SLC4A7: variants seen among roughly 807,000 people sequenced by gnomAD.
SLC4A7 encodes the protein sodium bicarbonate cotransporter 3.
Under a neutral mutation model 137.6 loss-of-function variants are expected in SLC4A7, and 51 were observed. That is an observed-to-expected ratio of 0.37 (90% CI 0.30 to 0.47). SLC4A7 has a LOEUF of 0.47. Among genes scored for constraint, SLC4A7 ranks in the 20% least tolerant of loss-of-function variants. The pLI is 1.00. For synonymous variants in SLC4A7, 542 were observed against 518.6 expected (o/e 1.05, Z -0.61); for missense variants, 1,247 against 1,525.4 (o/e 0.82, Z 3.04).
chr3:27,425,351 C>T (rs182133792), intron 7 of SLC4A7, among the ~76,000 whole-genome samples: 215 of 106,912 alleles, frequency 2.0e-3, no homozygotes, highest in African/African-American at 8.0e-3. Flanking sequence ...GCCTGGGCAA[C>T]GAGAGAGAAA....
At chr3:27,429,291 C>A (rs566808973) in intron 7 of SLC4A7, among the ~76,000 whole-genome samples, 94 of 152,114 alleles carry the variant, frequency 6.2e-4, no homozygotes, top group African/African-American at 8.9e-4. Flanking sequence ...AGTTATAAAC[C>A]TTTTCTCCAC....
At position 27,389,277 on chromosome 3, in the gene SLC4A7, T is replaced by C. The variant is rs978590394; in HGVS notation, c.3360+654A>G. ...TTAACTGTTTTCTATTCAGAAATTA[T>C]TTAGAACAGTGTTTAATTTCCAAAT... On this transcript the variant is annotated intron_variant, in intron 22 of 25. Transcript: ENST00000454389. 1.6e-4 allele frequency among the ~76,000 whole-genome samples: 25 copies of C among 152,284 alleles called. 1 individual carries two copies. The East Asian group carries it at 4.4e-3, about 27-fold the overall frequency.
chr3:27,379,073 C>G (rs1350656751), intron 25 of SLC4A7, among the ~76,000 whole-genome samples, 176 bp downstream of exon 25: 11 of 152,064 alleles, frequency 7.2e-5, no homozygotes, highest in Admixed American at 3.3e-4. Flanking sequence ...CCATGACTGA[C>G]TCAAATTATT....
chr3:27,449,553 A>G (rs947339987), intron 2 of SLC4A7, among the ~76,000 whole-genome samples: 28 of 152,276 alleles, frequency 1.8e-4, no homozygotes, highest in African/African-American at 6.5e-4. Flanking sequence ...TTAAATAAAA[A>G]AGCAGTAAGT....
Position 27,391,812 on chromosome 3 carries a change from T to A in SLC4A7, c.3118-4A>T. 1.3e-6 allele frequency: 2 copies of A among 1,564,372 alleles called. No homozygotes were observed. Among genetic ancestry groups the A allele is most frequent in the Non-Finnish European group, 1.7e-6 (2 of 1,143,442 alleles). ...ACAGAACAGGCATTGGAATAAACTG[T>A]AAATAAAATGAACACAATTAGAACT... On this transcript the variant is annotated splice_region_variant and splice_polypyrimidine_tract_variant and intron_variant, in intron 20 of 25. Coordinates refer to ENST00000454389, the MANE Select transcript of SLC4A7 (RefSeq NM_001321103.2).
At chr3:27,436,580 A>C in intron 4 of SLC4A7, 32 bp from the exon 5 acceptor site, 1 of 1,325,720 alleles carries the variant, frequency 7.5e-7, no homozygotes, top group Non-Finnish European at 1.1e-6. Flanking sequence ...ATATTTTATA[A>C]GTAATGAAGA....
chr3:27,403,779 A>G (rs1552904), intron 14 of SLC4A7, among the ~76,000 whole-genome samples: 147,996 of 152,236 alleles, frequency 0.97, 71,977 homozygotes, highest in East Asian at 1. Flanking sequence ...AGATCCAGAC[A>G]TCATATGTAT....
intron 24 of SLC4A7, among the ~76,000 whole-genome samples, chr3:27,379,932 T>C (rs529806322): frequency 7.8e-4 from 119 of 152,274 alleles, no homozygotes; most frequent in African/African-American, 2.6e-3. Flanking sequence ...TAACACAAAA[T>C]AGCCTCATGA....
chr3:27,412,574 G>A (rs961079195), intron 11 of SLC4A7, among the ~76,000 whole-genome samples: 2 of 152,102 alleles, frequency 1.3e-5, no homozygotes, highest in African/African-American at 4.8e-5. Flanking sequence ...ACTGCCATTT[G>A]AAAACGTCAA....
chr3:27,379,319 C>T lies in SLC4A7; in HGVS notation c.3628G>A (p.Ala1210Thr). 6.5e-7 allele frequency: 1 copy of T among 1,535,270 alleles called. No individual in the cohort carries two copies. Among genetic ancestry groups the T allele is most frequent in the Non-Finnish European group, 8.7e-7 (1 of 1,146,018 alleles). The change falls in exon 25 of 26, where the codon GCC becomes ACC. Residue 1210 changes from alanine to threonine, a missense_variant. Physicochemically the swap from Ala to Thr is moderately conservative, Grantham distance 58. Around this residue, in one of 6 missense-constraint regions of SLC4A7, gnomAD observed 290 missense variants for 323.8 expected, o/e 0.90. Transcript: ENST00000454389. ...AGTGCCTTCCACTGTGCAGTTTTGG[C>T]CATTTCATCTGATATGTTAACAATT... ...PSIVNISDEM[A>T]KTAQWKALSM...
intron 1 of SLC4A7, among the ~76,000 whole-genome samples, chr3:27,466,218 G>C (rs1002889284): frequency 2.0e-5 from 3 of 151,642 alleles, no homozygotes; most frequent in African/African-American, 7.3e-5. Context: ...TTGGGAGGCC[G>C]AGGCGGGCGG....
intron 7 of SLC4A7, among the ~76,000 whole-genome samples, chr3:27,429,868 CA>C (rs34059437): frequency 0.15 from 19,242 of 126,870 alleles, 1,180 homozygotes; most frequent in Middle Eastern, 0.25. Context: ...CCCGCCCAAG[CA>C]AAAAAAAAAA....
Position 27,415,741 on chromosome 3 carries a change from G to A in SLC4A7, c.1659+2745C>T, listed in dbSNP as rs140071777. On this transcript the variant is annotated intron_variant, in intron 11 of 25. Coordinates refer to ENST00000454389, the MANE Select transcript of SLC4A7 (RefSeq NM_001321103.2). ...CGCTTTTCTTTTGCTTTATGTTGTC[G>A]TAAAATGACTGCTTTTTCTTGGTCG... 2.6e-3 allele frequency among the ~76,000 whole-genome samples: 401 copies of A among 152,156 alleles called. 1 individual carries two copies. Among genetic ancestry groups the A allele is most frequent in the African/African-American group, 9.3e-3 (385 of 41,496 alleles).
rs1295954129 is a variant in SLC4A7, at chr3:27,389,927, T to A, written c.3360+4A>T. ...GTGACAAAATAAGTCTGAAGAAATCTTACCATCATGGGAAAAACCACTGCA... is the reference window on the plus strand; with the variant it reads ...GTGACAAAATAAGTCTGAAGAAATCATACCATCATGGGAAAAACCACTGCA... On this transcript the variant is annotated splice_donor_region_variant and intron_variant, in intron 22 of 25. Transcript: ENST00000454389. 6.2e-7 allele frequency: 1 copy of A among 1,610,478 alleles called. No individual in the cohort carries two copies. Among genetic ancestry groups the A allele is most frequent in the East Asian group, 2.2e-5 (1 of 44,768 alleles).
chr3:27,440,384 T>C (rs754566587), intron 3 of SLC4A7, among the ~76,000 whole-genome samples: 6 of 152,294 alleles, frequency 3.9e-5, no homozygotes, highest in East Asian at 1.9e-4. Context: ...AGGATCCCTA[T>C]GATTATATCA....
chr3:27,388,010 T>C (rs545870628), intron 22 of SLC4A7, among the ~76,000 whole-genome samples: 89 of 152,330 alleles, frequency 5.8e-4, no homozygotes, highest in African/African-American at 2.1e-3. Flanking sequence ...AAGTACTTTA[T>C]GGTTTTTGAT....
Position 27,394,700 on chromosome 3 carries a change from G to T in SLC4A7, c.2935C>A (p.Leu979Ile). 6.2e-7 allele frequency: 1 copy of T among 1,614,134 alleles called. No individual in the cohort carries two copies. The highest frequency in any genetic ancestry group is 8.5e-7 in the Non-Finnish European group (1 of 1,180,002). ...ACTGTTGCAGCCACAAACCATGGAA[G>T]TCCCATGACAGAGCAAACTCCCAAC... is the stretch of plus-strand genomic sequence containing the variant. The part of the protein sequence containing the change: ...VMLGVCSVMG[L>I]PWFVAATVLS... The change falls in exon 20 of 26, where the codon CTT (leucine) becomes ATT (isoleucine). Residue 979 changes from leucine (L) to isoleucine (I), a missense_variant. Leu to Ile is a conservative substitution (Grantham distance 5, BLOSUM62 2). This residue lies in a region of SLC4A7 where 48 missense variants were observed against 97.2 expected (regional missense o/e 0.49). Coordinates refer to ENST00000454389, the MANE Select transcript of SLC4A7 (RefSeq NM_001321103.2).
At chr3:27,477,513 G>T (rs1349407695) in intron 1 of SLC4A7, among the ~76,000 whole-genome samples, 3 of 152,112 alleles carry the variant, frequency 2.0e-5, no homozygotes. Flanking sequence ...TCATTAGGCT[G>T]GAATAATCAA....
chr3:27,461,214 A>G (rs892191045), intron 1 of SLC4A7, among the ~76,000 whole-genome samples: 15 of 78,180 alleles, frequency 1.9e-4, no homozygotes, highest in African/African-American at 2.9e-4. Flanking sequence ...ATTAGCACAC[A>G]CACACACACA....
Sources: gnomAD v4.1 joint callset for allele counts (sites outside exome capture counted in the v4.1 genomes callset) on GRCh38, gnomAD v4.1.1 for gene constraint, gnomAD v4.1.1 regional missense constraint, MANE v1.5 for transcripts, NCBI Gene and HGNC (gene_info 2026-07-23, HGNC 2026-07-21) for gene names.